DPF2: variants seen among roughly 807,000 people sequenced by gnomAD.
DPF2 encodes the protein double PHD fingers 2.
A neutral mutation model predicts 59.6 loss-of-function variants in DPF2; 10 were observed. The observed-to-expected ratio is 0.17, with a 90% confidence interval of 0.10 to 0.28. DPF2 has a LOEUF of 0.28. DPF2 is among the 10% of genes least tolerant of loss of function. The pLI is 1.00. For missense variants in DPF2, 315 were observed against 509.4 expected (o/e 0.62, Z 3.67); for synonymous variants, 189 against 190.6 (o/e 0.99, Z 0.07).
rs775873302 is a variant in DPF2, at chr11:65,344,081, ACAAGTGGGTGGGTAGAC to A, written c.637+14_637+30del. On this transcript the variant is annotated intron_variant, in intron 6 of 10. Transcript: ENST00000528416. ...CTATGCCTGTGACAGTGAGTGCCTC[ACAAGTGGGTGGGTAGAC>A]CTTGCCTTGGACCCAGCTCCTGCTC... 6.2e-6 allele frequency: 10 copies of A among 1,613,920 alleles called. No individual in the cohort carries two copies. In the South Asian group the frequency reaches 8.8e-5, roughly 14 times the overall value.
At chr11:65,349,773 G>T (rs1434108779) in intron 10 of DPF2, among the ~76,000 whole-genome samples, 1 of 151,780 alleles carries the variant, frequency 6.6e-6, no homozygotes, top group Non-Finnish European at 1.5e-5. Flanking sequence ...TCCAGCCTGG[G>T]CGACAGAGCG....
Position 65,351,825 on chromosome 11 carries a change from C to A in DPF2, c.*66C>A. On this transcript the variant is annotated 3_prime_UTR_variant, in exon 11 of 11. Coordinates refer to ENST00000528416, the MANE Select transcript of DPF2 (RefSeq NM_006268.5). The stretch of plus-strand genomic sequence containing the variant: ...TCTCTCCTCCACTTCATATTTCATA[C>A]CCATCTTTCCCTTCTTCCTCCTCTC... The A allele has an allele frequency of 1.3e-6, 2 of 1,518,348 alleles. No individual in the cohort carries two copies. The highest frequency in any genetic ancestry group is 2.3e-5 in the South Asian group (2 of 88,714). The allele number at this position is 1,518,348 out of a possible 1,614,324, so 94.1% of individuals were successfully genotyped here.
chr11:65,343,299 C>CAA (rs529933254), intron 4 of DPF2, among the ~76,000 whole-genome samples: 611 of 54,590 alleles, frequency 0.011, no homozygotes, highest in East Asian at 0.028. Flanking sequence ...AACTCTGTCT[C>CAA]AAAAAAAAAA....
chr11:65,348,265 A>G (rs993520032), intron 9 of DPF2: 2 of 152,448 alleles, frequency 1.3e-5, no homozygotes, highest in African/African-American at 4.8e-5. Flanking sequence ...AGCCTGGGCA[A>G]CAAAGCAAGA....
At chr11:65,350,942 G>A (rs1283605915) in intron 10 of DPF2, among the ~76,000 whole-genome samples, 1 of 150,792 alleles carries the variant, frequency 6.6e-6, no homozygotes, top group Non-Finnish European at 1.5e-5. Flanking sequence ...TCACACTGCT[G>A]TACTCCAGCC....
At chr11:65,335,723 G>A (rs1950086002) in intron 1 of DPF2, among the ~76,000 whole-genome samples, 1 of 152,130 alleles carries the variant, frequency 6.6e-6, no homozygotes, top group Admixed American at 6.6e-5. Context: ...TGGAGATATG[G>A]CACTTCTCTT....
Position 65,340,833 on chromosome 11 carries a change from C to G in DPF2, c.194-133C>G, listed in dbSNP as rs138590272. On this transcript the variant is annotated intron_variant, in intron 2 of 10. Transcript: ENST00000528416. Reference sequence around the variant, plus strand: ...TTTTCCACAGACTATTCCACCTAACCCCCTAGGCCCTCACTGTCAGAATTT... The same window carrying G: ...TTTTCCACAGACTATTCCACCTAACGCCCTAGGCCCTCACTGTCAGAATTT... The G allele has an allele frequency of 1.2e-4, 115 of 928,390 alleles. No individual in the cohort carries two copies. The African/African-American group carries it at 1.7e-3, about 14-fold the overall frequency. 57.5% of individuals were successfully genotyped at this position (928,390 alleles called of 1,614,324 possible).
chr11:65,337,488 TATATATATATATATATAGAGAGAG>T (rs1351844679), intron 1 of DPF2, among the ~76,000 whole-genome samples: 12 of 62,018 alleles, frequency 1.9e-4, no homozygotes, highest in African/African-American at 7.9e-4. Context: ...TATATATATA[TATATATATATATATATAGAGAGAG>T]AGAGAGAGAG....
At chr11:65,349,724 A>G (rs1854637569) in intron 10 of DPF2, among the ~76,000 whole-genome samples, 1 of 152,160 alleles carries the variant, frequency 6.6e-6, no homozygotes, top group African/African-American at 2.4e-5. Context: ...TGAACCCGGG[A>G]AGCGGAGCTT....
At chr11:65,334,562 C>A (rs1043815953) in intron 1 of DPF2, among the ~76,000 whole-genome samples, 4 of 152,224 alleles carry the variant, frequency 2.6e-5, no homozygotes, top group Non-Finnish European at 5.9e-5. Context: ...GGACCGAAGC[C>A]GTTCAGGACA....
intron 1 of DPF2, among the ~76,000 whole-genome samples, chr11:65,339,098 A>G (rs1467865346): frequency 7.2e-5 from 11 of 152,140 alleles, no homozygotes; most frequent in African/African-American, 2.2e-4. Context: ...AAATAAATCA[A>G]TTCTGCCCTT....
chr11:65,346,006 G>C lies in DPF2; in HGVS notation c.852G>C (p.Lys284Asn). Residue 284 changes from lysine to asparagine, a missense_variant, in exon 8 of 11, where the codon AAG becomes AAC. By Grantham distance (94) the Lys-to-Asn change is moderately conservative. This residue lies in a region of DPF2 where 58 missense variants were observed against 84.6 expected (regional missense o/e 0.69). Coordinates refer to ENST00000528416, the MANE Select transcript of DPF2 (RefSeq NM_006268.5). Reference sequence around the variant, plus strand: ...GCCTGGGGGACTCAAAGATTAACAAGAAGACGGGACAACCCGAGGAGCTGG... The same window carrying C: ...GCCTGGGGGACTCAAAGATTAACAACAAGACGGGACAACCCGAGGAGCTGG... ...DFCLGDSKIN[K>N]KTGQPEELVS... 1 of 1,614,214 alleles carries C rather than the reference G, an allele frequency of 6.2e-7. No individual in the cohort carries two copies. Among genetic ancestry groups the C allele is most frequent in the Non-Finnish European group, 8.5e-7 (1 of 1,180,044 alleles).
At chr11:65,344,121 C>T (rs762247961) in intron 6 of DPF2, 52 bp downstream of exon 6, 13 of 1,567,352 alleles carry the variant, frequency 8.3e-6, no homozygotes, top group Non-Finnish European at 1.1e-5. Flanking sequence ...CCAGCTCCTG[C>T]TCTGGATATG....
chr11:65,341,705 G>GACA, intron 4 of DPF2, 143 bp downstream of exon 4: 1 of 1,158,970 alleles, frequency 8.6e-7, no homozygotes, highest in Non-Finnish European at 1.2e-6. Context: ...TTCAGTCCCT[G>GACA]ATTATTGTCA....
At chr11:65,338,043 C>A (rs749728645) in intron 1 of DPF2, among the ~76,000 whole-genome samples, 1 of 151,434 alleles carries the variant, frequency 6.6e-6, no homozygotes, top group Non-Finnish European at 1.5e-5. Context: ...TCAGGTGATC[C>A]GTCCACCTCA....
intron 1 of DPF2, among the ~76,000 whole-genome samples, chr11:65,334,179 G>T (rs1330900379): frequency 1.3e-5 from 2 of 152,172 alleles, no homozygotes; most frequent in Admixed American, 1.3e-4. Context: ...GTTCCTCGGG[G>T]CTGACGGTTT....
chr11:65,340,597 G>A (rs777175590), intron 2 of DPF2, 52 bp downstream of exon 2: 8 of 1,601,518 alleles, frequency 5.0e-6, no homozygotes, highest in Non-Finnish European at 6.8e-6. Flanking sequence ...GGAGGAAGAA[G>A]CCTCCTCATC....
rs1303291236 is a variant in DPF2, at chr11:65,343,848, A to G, written c.558+11A>G. On this transcript the variant is annotated intron_variant, in intron 5 of 10. Coordinates refer to ENST00000528416, the MANE Select transcript of DPF2 (RefSeq NM_006268.5). ...AAGGGGAAATCCAAGGTGAGGGGCC[A>G]GCGTGCTGCCTGCATCTTGGGACAG... 1 of 1,583,056 alleles carries G rather than the reference A, an allele frequency of 6.3e-7. No individual in the cohort carries two copies. The highest frequency in any genetic ancestry group is 8.6e-7 in the Non-Finnish European group (1 of 1,163,452).
chr11:65,343,512 G>A, intron 4 of DPF2: 1 of 546,770 alleles, frequency 1.8e-6, no homozygotes, highest in Middle Eastern at 4.9e-4. Context: ...GCATGGTGGG[G>A]AAAGCATTTC....
Sources: allele counts gnomAD v4.1 joint callset (sites outside exome capture counted in the v4.1 genomes callset), GRCh38; gene constraint gnomAD v4.1.1; regional missense constraint gnomAD v4.1.1; transcripts MANE v1.5; gene names NCBI Gene and HGNC (gene_info 2026-07-23, HGNC 2026-07-21).